Variants in LIPA observed in about 807,000 individuals in gnomAD.
LIPA encodes the protein lipase A, lysosomal acid type.
LIPA carries 26 observed loss-of-function variants against 40.6 expected under a neutral mutation model. That is an observed-to-expected ratio of 0.64 (90% CI 0.47 to 0.89). The LOEUF (loss-of-function observed/expected upper bound fraction) is 0.89, where lower values mean the gene tolerates loss of function less well. Ranked by LOEUF, LIPA falls within the 40% of genes least tolerant of loss-of-function variation. The pLI is 0.00. For synonymous variants in LIPA, 188 were observed against 168.4 expected (o/e 1.12, Z -0.90); for missense variants, 455 against 479.6 (o/e 0.95, Z 0.48).
intron 2 of LIPA, among the ~76,000 whole-genome samples, chr10:89,370,373 C>T (rs1430589114): frequency 6.6e-6 from 1 of 151,858 alleles, no homozygotes; most frequent in Non-Finnish European, 1.5e-5. Flanking sequence ...TACAGGCTCA[C>T]ACCACCACAT....
chr10:89,234,894 C>T lies in LIPA; in HGVS notation c.230-6496G>A, dbSNP rs141055477. Among the ~76,000 whole-genome samples the T allele has an allele frequency of 3.0e-4, 46 of 152,334 alleles. 1 individual carries two copies. Among genetic ancestry groups the T allele is most frequent in the African/African-American group, 7.9e-4 (33 of 41,574 alleles). ...TGAAGTTGGCACTACTGCCATTTAA[C>T]AGAACAGGGAATTGTGGTAAAGAAG... is the stretch of plus-strand genomic sequence containing the variant. On this transcript the variant is annotated intron_variant, in intron 3 of 9. Coordinates refer to ENST00000336233, the MANE Select transcript of LIPA (RefSeq NM_000235.4).
intron 2 of LIPA, among the ~76,000 whole-genome samples, chr10:89,355,641 T>C (rs1843984704): frequency 2.0e-5 from 3 of 152,290 alleles, no homozygotes; most frequent in Admixed American, 2.0e-4. Flanking sequence ...TAGGATGACA[T>C]AGGAGGTCAG....
chr10:89,271,181 A>G (rs1457260727), intron 1 of LIPA, among the ~76,000 whole-genome samples: 1 of 152,190 alleles, frequency 6.6e-6, no homozygotes. Flanking sequence ...ACTGAGGAAG[A>G]GACTATTTGG....
rs1554865206 is a variant in LIPA, at chr10:89,222,513, G to A, written c.892C>T (p.Gln298Ter). The A allele has an allele frequency of 6.2e-7, 1 of 1,603,434 alleles. No homozygotes were observed. Among genetic ancestry groups the A allele is most frequent in the African/African-American group, 1.3e-5 (1 of 74,794 alleles). ...TSVQNMLHWSQAVKFQKFQAF... is the reference protein window; with the variant it reads ...TSVQNMLHWS Reference sequence around the variant, plus strand: ...AAATGCACTCCTGGAATGCCTACCTGGCTCCAGTGTAACATGTTTTGCACA... The same window carrying A: ...AAATGCACTCCTGGAATGCCTACCTAGCTCCAGTGTAACATGTTTTGCACA... The change falls in exon 8 of 10, where the codon CAG (glutamine) becomes TAG (stop). Residue 298 changes from glutamine to a stop codon, truncating the protein, a stop_gained and splice_region_variant. Coordinates refer to ENST00000336233, the MANE Select transcript of LIPA (RefSeq NM_000235.4). LOFTEE classifies it high-confidence loss of function.
chr10:89,276,809 A>G (rs1843291370), intron 1 of LIPA, among the ~76,000 whole-genome samples: 1 of 152,238 alleles, frequency 6.6e-6, no homozygotes, highest in Non-Finnish European at 1.5e-5. Context: ...ATTGAAAATT[A>G]GAATATCAAT....
intron 1 of LIPA, among the ~76,000 whole-genome samples, chr10:89,302,536 A>G (rs1276760001): frequency 6.6e-6 from 1 of 152,198 alleles, no homozygotes. Flanking sequence ...ATTATTTAAC[A>G]AAAGGGTTCT....
chr10:89,292,451 A>G (rs1306691203), intron 1 of LIPA: 1 of 152,234 alleles, frequency 6.6e-6, no homozygotes, highest in Non-Finnish European at 1.5e-5. Context: ...AAAGCTCCAC[A>G]TTAGAGAACA....
chr10:89,412,764 C>A, intron 2 of LIPA: 1 of 435,820 alleles, frequency 2.3e-6, no homozygotes, highest in Non-Finnish European at 4.6e-6. Context: ...AGCTGCACTC[C>A]TGAAGTCAGC....
intron 1 of LIPA, among the ~76,000 whole-genome samples, chr10:89,257,336 T>C (rs1393559714): frequency 6.6e-6 from 1 of 152,132 alleles, no homozygotes; most frequent in African/African-American, 2.4e-5. Flanking sequence ...AAAAGAAAGT[T>C]TTATAGAAAA....
At chr10:89,252,872 T>C (rs1457915217), upstream of LIPA, among the ~76,000 whole-genome samples, 3 of 151,330 alleles carry the variant, frequency 2.0e-5, no homozygotes, top group Non-Finnish European at 4.4e-5. Flanking sequence ...AGGACTCTTA[T>C]GAAGTGACAC....
At chr10:89,394,918 CA>C (rs1467050265) in intron 2 of LIPA, among the ~76,000 whole-genome samples, 1 of 151,874 alleles carries the variant, frequency 6.6e-6, no homozygotes, top group African/African-American at 2.4e-5. Flanking sequence ...GTGGGTATTT[CA>C]TATAAATGGA....
At chr10:89,385,240 A>G (rs1844201945) in intron 2 of LIPA, 1 of 153,394 alleles carries the variant, frequency 6.5e-6, no homozygotes, top group Non-Finnish European at 1.5e-5. Flanking sequence ...TTGAGACAAC[A>G]GTCTTTCCCA....
intron 1 of LIPA, chr10:89,340,270 G>A: frequency 2.2e-6 from 2 of 919,130 alleles, no homozygotes; most frequent in Non-Finnish European, 1.6e-6. Context: ...TTAAAGAGTT[G>A]TTTTTTGGCC....
intron 2 of LIPA, among the ~76,000 whole-genome samples, chr10:89,359,358 G>A (rs965048337): frequency 1.2e-4 from 19 of 152,258 alleles, no homozygotes; most frequent in South Asian, 4.2e-4. Context: ...ATGCCCTGTA[G>A]GGCAGTATTT....
At chr10:89,392,523 C>A in intron 2 of LIPA, 2 of 184,304 alleles carry the variant, frequency 1.1e-5, no homozygotes, top group Non-Finnish European at 2.2e-5. Flanking sequence ...TTTCCCCTTT[C>A]GGTTTCCCTA....
At chr10:89,318,578 C>T (rs1286395979) in intron 1 of LIPA, among the ~76,000 whole-genome samples, 1 of 152,114 alleles carries the variant, frequency 6.6e-6, no homozygotes, top group East Asian at 1.9e-4. Context: ...CCTTAGAGAC[C>T]TACAAAAAGA....
chr10:89,381,762 C>T (rs1033747483), intron 2 of LIPA, among the ~76,000 whole-genome samples: 3 of 151,824 alleles, frequency 2.0e-5, no homozygotes, highest in African/African-American at 7.3e-5. Flanking sequence ...TCCTTTCTTC[C>T]TTTCTTTCCT....
At position 89,355,438 on chromosome 10, in the gene LIPA, C is replaced by T. The variant is rs188720846; in HGVS notation, c.61+57353G>A. Among the ~76,000 whole-genome samples, 477 of 152,366 alleles carry T rather than the reference C, an allele frequency of 3.1e-3. 3 individuals are homozygous for T. Among genetic ancestry groups the T allele is most frequent in the African/African-American group, 0.011 (461 of 41,572 alleles). Reference sequence around the variant, plus strand: ...TGCAAAGATGGTTTCAGCCTGAAGGCTGCAATCCCCTTATGAGAAATAAAG... The same window carrying T: ...TGCAAAGATGGTTTCAGCCTGAAGGTTGCAATCCCCTTATGAGAAATAAAG... On this transcript the variant is annotated intron_variant, in intron 2 of 8. Coordinates refer to the LIPA transcript ENST00000371837.
At position 89,225,013 on chromosome 10, in the gene LIPA, T is replaced by C. The variant is rs200349886; in HGVS notation, c.675+79A>G. On this transcript the variant is annotated intron_variant, in intron 6 of 9. Transcript: ENST00000336233. ...AAACGCAGGGGAGGAAGGCACAGAT[T>C]ATCCCTCCCCTTGCCATTTCTTCAG... 1.8e-4 allele frequency: 276 copies of C among 1,509,652 alleles called. 1 individual carries two copies. The highest frequency in any genetic ancestry group is 2.2e-5 in the Non-Finnish European group (24 of 1,086,980). The allele number at this position is 1,509,652 out of a possible 1,614,324, so 93.5% of individuals were successfully genotyped here.
Sources: gnomAD v4.1 joint callset for allele counts (sites outside exome capture counted in the v4.1 genomes callset) on GRCh38, gnomAD v4.1.1 for gene constraint, MANE v1.5 for transcripts, NCBI Gene and HGNC (gene_info 2026-07-23, HGNC 2026-07-21) for gene names.